The following KRR1 variants were observed in gnomAD, a reference collection of about 807,000 sequenced individuals.
KRR1 encodes the protein KRR1 small subunit processome component homolog.
In KRR1, 23 loss-of-function variants were observed where a neutral mutation model predicts 50.0. That is an observed-to-expected ratio of 0.46 (90% CI 0.33 to 0.65). The LOEUF (loss-of-function observed/expected upper bound fraction) is 0.65. KRR1 is among the 30% of genes least tolerant of loss of function. The pLI is 0.02. For missense variants in KRR1, 419 were observed against 442.4 expected (o/e 0.95, Z 0.47); for synonymous variants, 133 against 146.3 (o/e 0.91, Z 0.66).
At chr12:75,505,768 A>T (rs1310268539) in intron 5 of KRR1, among the ~76,000 whole-genome samples, 1 of 152,152 alleles carries the variant, frequency 6.6e-6, no homozygotes, top group Non-Finnish European at 1.5e-5. Context: ...AGACAGTAAT[A>T]GTACCAAAAG....
intron 7 of KRR1, 33 bp downstream of exon 7, chr12:75,503,871 T>C: frequency 6.5e-7 from 1 of 1,546,954 alleles, no homozygotes; most frequent in Non-Finnish European, 8.8e-7. Flanking sequence ...AAATAGATTC[T>C]CCTTCATATG....
chr12:75,506,902 G>A lies in KRR1; in HGVS notation c.273C>T (p.Thr91=), dbSNP rs747010558. 7 of 1,599,164 alleles carry A rather than the reference G, an allele frequency of 4.4e-6. No homozygotes were observed. In the African/African-American group the frequency reaches 5.4e-5, roughly 12 times the overall value. ...TCATGCTGCCTTCGATCAGGTCCAG[G>A]GTTGCATTAACATGCTACAGAAGGA... ...KALNEHHVNA[T]LDLIEGSMTV... is the part of the protein sequence containing the mutation. The change falls in exon 3 of 10, where the codon ACC becomes ACT. Residue 91 remains threonine, a synonymous_variant. Coordinates refer to ENST00000229214, the MANE Select transcript of KRR1 (RefSeq NM_007043.7).
intron 7 of KRR1, chr12:75,502,272 TG>T: frequency 3.4e-6 from 1 of 293,690 alleles, no homozygotes. Flanking sequence ...GAGAAGAAAC[TG>T]GAGAGAGAGT....
Position 75,499,152 on chromosome 12 carries a change from C to CT in KRR1, c.*656dup. On this transcript the variant is annotated 3_prime_UTR_variant, in exon 10 of 10. Coordinates refer to ENST00000229214, the MANE Select transcript of KRR1 (RefSeq NM_007043.7). ...TCCTAACTCTATCAGATAAACTCATCTTTAGTATAAATAAGCATTATTTGC... is the reference window on the plus strand; with the variant it reads ...TCCTAACTCTATCAGATAAACTCATCTTTTAGTATAAATAAGCATTATTTGC... 1 of 456,490 alleles carries CT rather than the reference C, an allele frequency of 2.2e-6. No homozygotes were observed. The highest frequency in any genetic ancestry group is 4.1e-5 in the South Asian group (1 of 24,466). 28.3% of individuals were successfully genotyped at this position (456,490 alleles called of 1,614,324 possible).
chr12:75,506,422 A>T lies in KRR1; in HGVS notation c.520-23T>A, dbSNP rs771493230. 1.0e-5 allele frequency: 16 copies of T among 1,605,004 alleles called. No homozygotes were observed. The South Asian group carries it at 1.8e-4, about 18-fold the overall frequency. On this transcript the variant is annotated intron_variant, in intron 4 of 9. Transcript: ENST00000229214. ...TGCCTGTATCAAGAGATCAAGTTAAAATTCATTACTCTGAAAAAGTATTAA... is the reference window on the plus strand; with the variant it reads ...TGCCTGTATCAAGAGATCAAGTTAATATTCATTACTCTGAAAAAGTATTAA...
chr12:75,491,583 C>G lies in KRR1; in HGVS notation c.*8226G>C, dbSNP rs1258821283. On this transcript the variant is annotated 3_prime_UTR_variant, in exon 10 of 10. Coordinates refer to ENST00000229214, the MANE Select transcript of KRR1 (RefSeq NM_007043.7). The stretch of plus-strand genomic sequence containing the variant: ...GTACATATTGCCAAATTACATTCCA[C>G]CATTATATCAATTTGTATTTCACCA... 6.6e-6 allele frequency: 1 copy of G among 152,112 alleles called. No homozygotes were observed. Among genetic ancestry groups the G allele is most frequent in the Non-Finnish European group, 1.5e-5 (1 of 68,020 alleles). 9.4% of individuals were successfully genotyped at this position (152,112 alleles called of 1,614,324 possible).
In KRR1 at chr12:75,499,042, A is replaced by G. The variant is rs2046371514; in HGVS notation, c.*767T>C. On this transcript the variant is annotated 3_prime_UTR_variant, in exon 10 of 10. Coordinates refer to ENST00000229214, the MANE Select transcript of KRR1 (RefSeq NM_007043.7). ...TTCACATATGGCTTTTTTTTTAACC[A>G]ATAACAATTAGGTGTACTTCTATTT... The G allele has an allele frequency of 9.6e-7, 1 of 1,042,896 alleles. No individual in the cohort carries two copies. Among genetic ancestry groups the G allele is most frequent in the Non-Finnish European group, 1.4e-6 (1 of 724,938 alleles). 64.6% of individuals were successfully genotyped at this position (1,042,896 alleles called of 1,614,324 possible). A position where few individuals can be genotyped will look rare whatever the true frequency, so the allele number is the denominator to read the frequency against.
rs2046353918 is a variant in KRR1, at chr12:75,496,733, AT to A, written c.*3075del. On this transcript the variant is annotated 3_prime_UTR_variant, in exon 10 of 10. Transcript: ENST00000229214. ...AGTCGGCCAAGTTCCACTGCACGAAATTTAGTTTGGAAAAAAGTGTTCCATT... is the reference window on the plus strand; with the variant it reads ...AGTCGGCCAAGTTCCACTGCACGAAATTAGTTTGGAAAAAAGTGTTCCATT... The A allele has an allele frequency of 6.6e-6, 1 of 152,200 alleles. No homozygotes were observed. Among genetic ancestry groups the A allele is most frequent in the Admixed American group, 6.5e-5 (1 of 15,276 alleles). The allele number at this position is 152,200 out of a possible 1,614,324, so 9.4% of individuals were successfully genotyped here.
chr12:75,496,934 T>C lies in KRR1; in HGVS notation c.*2875A>G, dbSNP rs1341964151. 6.6e-6 allele frequency: 1 copy of C among 152,238 alleles called. No homozygotes were observed. Among genetic ancestry groups the C allele is most frequent in the Non-Finnish European group, 1.5e-5 (1 of 68,036 alleles). The allele number at this position is 152,238 out of a possible 1,614,324, so 9.4% of individuals were successfully genotyped here. On this transcript the variant is annotated 3_prime_UTR_variant, in exon 10 of 10. Coordinates refer to ENST00000229214, the MANE Select transcript of KRR1 (RefSeq NM_007043.7). ...GTCCAATCATTCTTTATTTCACTTA[T>C]ATCACTCTTGTGAAGAAAAGTAACA... is the stretch of plus-strand genomic sequence containing the variant.
chr12:75,505,320 A>G, intron 5 of KRR1, 66 bp from the exon 6 acceptor site: 1 of 1,454,792 alleles, frequency 6.9e-7, no homozygotes, highest in Non-Finnish European at 9.2e-7. Context: ...AAGAGGATTA[A>G]TACTGCAAAA....
rs1241842940 is a variant in KRR1 at position 75,493,568 on chromosome 12, A to G, written c.*6241T>C. 1.3e-5 allele frequency: 2 copies of G among 152,190 alleles called. No homozygotes were observed. Among genetic ancestry groups the G allele is most frequent in the Non-Finnish European group, 2.9e-5 (2 of 68,026 alleles). The allele number at this position is 152,190 out of a possible 1,614,324, so 9.4% of individuals were successfully genotyped here. A position where few individuals can be genotyped will look rare whatever the true frequency, so the allele number is the denominator to read the frequency against. ...AGAAGAGGAAATAACTTTGACCACA[A>G]GATAGTCAAGATAGTACCAGTGTGC... On this transcript the variant is annotated 3_prime_UTR_variant, in exon 10 of 10. Transcript: ENST00000229214.
rs1325055013 is a variant in KRR1 at position 75,495,997 on chromosome 12, G to T, written c.*3812C>A. ...TCCAAACAAACAGAATTCTGTTTTC[G>T]TTTTTTTTTTTGTTTTTTTTTTTTG... On this transcript the variant is annotated 3_prime_UTR_variant, in exon 10 of 10. Transcript: ENST00000229214. The T allele has an allele frequency of 2.5e-4, 33 of 132,298 alleles. No homozygotes were observed. The highest frequency in any genetic ancestry group is 6.6e-4 in the South Asian group (3 of 4,524). 8.2% of individuals were successfully genotyped at this position (132,298 alleles called of 1,614,324 possible). A position where few individuals can be genotyped will look rare whatever the true frequency, so the allele number is the denominator to read the frequency against.
chr12:75,495,996 CGTTTTTTTTTTT>C lies in KRR1; in HGVS notation c.*3801_*3812del, dbSNP rs1389065125. On this transcript the variant is annotated 3_prime_UTR_variant, in exon 10 of 10. Coordinates refer to ENST00000229214, the MANE Select transcript of KRR1 (RefSeq NM_007043.7). ...ATCCAAACAAACAGAATTCTGTTTT[CGTTTTTTTTTTT>C]GTTTTTTTTTTTTGAGACAGAGTCT... is the stretch of plus-strand genomic sequence containing the variant. 4.8e-5 allele frequency: 6 copies of C among 125,066 alleles called. No homozygotes were observed. The highest frequency in any genetic ancestry group is 2.4e-4 in the East Asian group (1 of 4,148). The allele number at this position is 125,066 out of a possible 1,614,324, so 7.7% of individuals were successfully genotyped here.
chr12:75,498,991 A>G lies in KRR1; in HGVS notation c.*818T>C. The G allele has an allele frequency of 6.5e-7, 1 of 1,533,472 alleles. No homozygotes were observed. The highest frequency in any genetic ancestry group is 1.3e-5 in the South Asian group (1 of 78,010). 95.0% of individuals were successfully genotyped at this position (1,533,472 alleles called of 1,614,324 possible). On this transcript the variant is annotated 3_prime_UTR_variant, in exon 10 of 10. Coordinates refer to ENST00000229214, the MANE Select transcript of KRR1 (RefSeq NM_007043.7). ...TCTTTTGGACTAATACAATTCAGGA[A>G]AGAAAAAACCCAAAAACCAACCTCA...
intron 5 of KRR1, 52 bp from the exon 6 acceptor site, chr12:75,505,306 G>A: frequency 2.6e-6 from 4 of 1,524,940 alleles, no homozygotes; most frequent in Non-Finnish European, 3.5e-6. Context: ...AATGAGCTAT[G>A]GAGAAGAGGA....
chr12:75,496,824 C>T lies in KRR1; in HGVS notation c.*2985G>A, dbSNP rs751113457. On this transcript the variant is annotated 3_prime_UTR_variant, in exon 10 of 10. Coordinates refer to ENST00000229214, the MANE Select transcript of KRR1 (RefSeq NM_007043.7). ...AAAATTCTATATATTAAACTGCTTG[C>T]TCTCCTCCTTCCCATTTAATGTTGA... 6.6e-6 allele frequency: 1 copy of T among 152,146 alleles called. No homozygotes were observed. Among genetic ancestry groups the T allele is most frequent in the South Asian group, 2.1e-4 (1 of 4,836 alleles). 9.4% of individuals were successfully genotyped at this position (152,146 alleles called of 1,614,324 possible).
Position 75,498,939 on chromosome 12 carries a change from G to A in KRR1, c.*870C>T, listed in dbSNP as rs143283114. ...TACTGTCTGTTATAATTACCATTTTGGTACAGCACAAGTACCCTAATTTAG... is the reference window on the plus strand; with the variant it reads ...TACTGTCTGTTATAATTACCATTTTAGTACAGCACAAGTACCCTAATTTAG... On this transcript the variant is annotated 3_prime_UTR_variant, in exon 10 of 10. Coordinates refer to ENST00000229214, the MANE Select transcript of KRR1 (RefSeq NM_007043.7). The A allele has an allele frequency of 2.5e-3, 4,086 of 1,608,446 alleles. 16 individuals carry two copies. Among genetic ancestry groups the A allele is most frequent in the Middle Eastern group, 0.013 (79 of 5,962 alleles).
At chr12:75,504,688 G>A (rs2046414131) in intron 6 of KRR1, among the ~76,000 whole-genome samples, 1 of 152,018 alleles carries the variant, frequency 6.6e-6, no homozygotes, top group African/African-American at 2.4e-5. Flanking sequence ...TCATAAAATA[G>A]TTCTATATAC....
At chr12:75,502,493 A>G (rs2046400858) in intron 7 of KRR1, 1 of 153,872 alleles carries the variant, frequency 6.5e-6, no homozygotes, top group African/African-American at 2.4e-5. Context: ...AGCAAAAGCA[A>G]CAGCTTGTTC....
Sources: allele counts gnomAD v4.1 joint callset (sites outside exome capture counted in the v4.1 genomes callset), GRCh38; gene constraint gnomAD v4.1.1; transcripts MANE v1.5; gene names NCBI Gene and HGNC (gene_info 2026-07-23, HGNC 2026-07-21).